The following CDH18 variants were observed in gnomAD, a reference collection of about 807,000 sequenced individuals.
CDH18 encodes cadherin-18.
In CDH18, 31 loss-of-function variants were observed where a neutral mutation model predicts 67.9. The ratio of observed to expected loss-of-function variants is 0.46; its 90% confidence interval spans 0.34 to 0.62. The LOEUF (loss-of-function observed/expected upper bound fraction) is 0.62, where lower values mean the gene tolerates loss of function less well. CDH18 is among the 20% of genes least tolerant of loss of function. CDH18 has a pLI of 0.01. For synonymous variants in CDH18, 362 were observed against 347.2 expected (o/e 1.04, Z -0.48); for missense variants, 890 against 975.5 (o/e 0.91, Z 1.17).
chr5:19,768,173 T>C (rs1277867978), intron 3 of CDH18, among the ~76,000 whole-genome samples: 2 of 152,152 alleles, frequency 1.3e-5, no homozygotes, highest in Non-Finnish European at 2.9e-5. Context: ...TGTTGTTATT[T>C]GTTCTGACTC....
rs1282456554 is a variant in CDH18, at chr5:19,546,519, C to T, written c.1254-2514G>A. Among the ~76,000 whole-genome samples, 3 of 152,190 alleles carry T rather than the reference C, an allele frequency of 2.0e-5. No homozygotes were observed. The East Asian group carries it at 5.8e-4, about 29-fold the overall frequency. ...ATTGAAAGTAACAGGGATGCTTCTT[C>T]CATTTTAGTATGAGGAAAAGATGAA... On this transcript the variant is annotated intron_variant, in intron 8 of 12. Transcript: ENST00000382275.
At chr5:19,986,296 T>C (rs1026050415) in intron 1 of CDH18, among the ~76,000 whole-genome samples, 1 of 152,218 alleles carries the variant, frequency 6.6e-6, no homozygotes, top group Non-Finnish European at 1.5e-5. Context: ...TAGCTAATTA[T>C]AATCAGTCTG....
chr5:19,597,061 CTG>C (rs1356558115), intron 6 of CDH18, among the ~76,000 whole-genome samples: 2 of 152,298 alleles, frequency 1.3e-5, no homozygotes, highest in African/African-American at 4.8e-5. Context: ...TACAAAAAGA[CTG>C]TGGCTTCTAT....
At chr5:19,489,951 AAT>A (rs1318843207) in intron 11 of CDH18, among the ~76,000 whole-genome samples, 2 of 146,174 alleles carry the variant, frequency 1.4e-5, no homozygotes, top group South Asian at 2.2e-4. Context: ...ACTATAATAT[AAT>A]AACTGCAGAA....
At chr5:19,648,042 C>T (rs1006103103) in intron 5 of CDH18, among the ~76,000 whole-genome samples, 3 of 151,388 alleles carry the variant, frequency 2.0e-5, no homozygotes, top group Non-Finnish European at 2.9e-5. Flanking sequence ...GTCAAACTTA[C>T]CATTGAGGTG....
At chr5:20,038,847 G>A (rs1410957036) in intron 2 of CDH18, among the ~76,000 whole-genome samples, 2 of 151,996 alleles carry the variant, frequency 1.3e-5, no homozygotes, top group Non-Finnish European at 2.9e-5. Context: ...TGGCCAGGGA[G>A]ATCAGGAAAG....
chr5:19,773,568 C>T (rs1189866406), intron 3 of CDH18, among the ~76,000 whole-genome samples: 1 of 151,934 alleles, frequency 6.6e-6, no homozygotes, highest in Non-Finnish European at 1.5e-5. Context: ...GATTTTAGGA[C>T]ATAAGGAAGT....
chr5:19,994,336 T>C (rs549185525), intron 2 of CDH18, among the ~76,000 whole-genome samples: 64 of 151,626 alleles, frequency 4.2e-4, no homozygotes, highest in African/African-American at 1.5e-3. Flanking sequence ...CATATATTTA[T>C]ACACCTCTCT....
At chr5:20,426,408 G>A (rs928351619) in intron 1 of CDH18, among the ~76,000 whole-genome samples, 1 of 151,016 alleles carries the variant, frequency 6.6e-6, no homozygotes, top group Non-Finnish European at 1.5e-5. Context: ...CCGTATTTCT[G>A]TATTTTATCA....
At chr5:20,104,968 T>C (rs979619702) in intron 2 of CDH18, among the ~76,000 whole-genome samples, 53 of 152,282 alleles carry the variant, frequency 3.5e-4, no homozygotes, top group East Asian at 2.1e-3. Flanking sequence ...ATTTCTGATA[T>C]ACACAATAGA....
At chr5:19,865,010 A>T (rs936697788) in intron 2 of CDH18, among the ~76,000 whole-genome samples, 2 of 152,112 alleles carry the variant, frequency 1.3e-5, no homozygotes, top group African/African-American at 2.4e-5. Flanking sequence ...CTAGCTCCTC[A>T]ATGGGTGAAA....
At chr5:19,589,567 T>C (rs887593151) in intron 7 of CDH18, among the ~76,000 whole-genome samples, 1 of 152,144 alleles carries the variant, frequency 6.6e-6, no homozygotes, top group Non-Finnish European at 1.5e-5. Flanking sequence ...AAAAAAATGC[T>C]AGATGTTGGG....
At chr5:20,267,193 C>T (rs974011903) in intron 1 of CDH18, among the ~76,000 whole-genome samples, 1 of 152,164 alleles carries the variant, frequency 6.6e-6, no homozygotes, top group Non-Finnish European at 1.5e-5. Flanking sequence ...AAACGAGGTC[C>T]GTTTCCCAAA....
At chr5:19,844,383 C>A (rs1268593376) in intron 2 of CDH18, among the ~76,000 whole-genome samples, 3 of 152,102 alleles carry the variant, frequency 2.0e-5, no homozygotes, top group African/African-American at 7.2e-5. Context: ...ATAAGGGGCT[C>A]TTTCCCCTTT....
At chr5:19,575,172 G>T (rs902704351) in intron 7 of CDH18, among the ~76,000 whole-genome samples, 1 of 152,096 alleles carries the variant, frequency 6.6e-6, no homozygotes, top group Admixed American at 6.5e-5. Context: ...AAACTGTAGG[G>T]TTTTTAGTAT....
chr5:19,939,806 C>G (rs577124480), intron 2 of CDH18, among the ~76,000 whole-genome samples: 1 of 151,760 alleles, frequency 6.6e-6, no homozygotes, highest in East Asian at 1.9e-4. Flanking sequence ...GTTCATAATA[C>G]CATAAAATTT....
At chr5:19,576,050 A>C (rs569444444) in intron 7 of CDH18, among the ~76,000 whole-genome samples, 1 of 152,278 alleles carries the variant, frequency 6.6e-6, no homozygotes, top group South Asian at 2.1e-4. Flanking sequence ...AGTGGCAAGC[A>C]GAGCTACAGA....
chr5:20,486,779 G>A (rs1215504157), intron 1 of CDH18, among the ~76,000 whole-genome samples: 1 of 151,682 alleles, frequency 6.6e-6, no homozygotes, highest in Non-Finnish European at 1.5e-5. Flanking sequence ...GAATGGTACT[G>A]TATGTTATCT....
rs35498841 is a variant in CDH18, at chr5:19,785,654, C to CA, written c.229-38419dup. 5.6e-3 allele frequency among the ~76,000 whole-genome samples: 22 copies of CA among 3,904 alleles called. 6 individuals are homozygous for CA. The South Asian group carries it at 0.091, about 16-fold the overall frequency. The allele number at this position is 3,904 out of a possible 152,430, so 2.6% of individuals were successfully genotyped here. ...CGGCAACAAGAGCAAAACTCTGTCT[C>CA]AAAAAAAAAAAAAAAAAAAAAAAAA... On this transcript the variant is annotated intron_variant, in intron 3 of 12. Coordinates refer to ENST00000382275, the MANE Select transcript of CDH18 (RefSeq NM_004934.5).
Sources: allele counts gnomAD v4.1 joint callset (sites outside exome capture counted in the v4.1 genomes callset), GRCh38; gene constraint gnomAD v4.1.1; transcripts MANE v1.5; gene names NCBI Gene and HGNC (gene_info 2026-07-23, HGNC 2026-07-21).